CSMD2: variants seen among roughly 807,000 people sequenced by gnomAD.
CSMD2 encodes the protein CUB and Sushi multiple domains 2.
CSMD2 carries 130 observed loss-of-function variants against 398.5 expected under a neutral mutation model. The ratio of observed to expected loss-of-function variants is 0.33; its 90% confidence interval spans 0.28 to 0.38. The LOEUF (loss-of-function observed/expected upper bound fraction) is 0.38, where lower values mean the gene tolerates loss of function less well. Among genes scored for constraint, CSMD2 ranks in the 10% least tolerant of loss-of-function variants. The probability of loss-of-function intolerance (pLI) is 1.00; values close to 1 mark genes in which losing one functional copy is unlikely to be tolerated. For synonymous variants in CSMD2, 1,828 were observed against 1,908.5 expected (o/e 0.96, Z 1.10); for missense variants, 3,829 against 4,764.9 (o/e 0.80, Z 5.78).
chr1:33,855,821 C>A (rs1425545696), intron 5 of CSMD2, among the ~76,000 whole-genome samples: 2 of 152,196 alleles, frequency 1.3e-5, no homozygotes, highest in African/African-American at 4.8e-5. Context: ...ACACTCAACT[C>A]TACTCAACCC....
At chr1:33,981,212 G>A (rs1368471481) in intron 3 of CSMD2, among the ~76,000 whole-genome samples, 1 of 152,152 alleles carries the variant, frequency 6.6e-6, no homozygotes, top group African/African-American at 2.4e-5. Context: ...CCGGTTGTTT[G>A]CAGTTCAACA....
At chr1:33,688,170 T>C (rs1243258243) in intron 25 of CSMD2, among the ~76,000 whole-genome samples, 1 of 152,212 alleles carries the variant, frequency 6.6e-6, no homozygotes, top group East Asian at 1.9e-4. Context: ...GATTCACTTA[T>C]TCAACAGGGG....
chr1:33,642,373 AAACAAC>A (rs1253049093), intron 29 of CSMD2, among the ~76,000 whole-genome samples: 5 of 151,712 alleles, frequency 3.3e-5, no homozygotes, highest in African/African-American at 1.2e-4. Flanking sequence ...AAAGGAAAGA[AAACAAC>A]AACAACAAAC....
chr1:33,708,209 C>A (rs1439630005), intron 22 of CSMD2, among the ~76,000 whole-genome samples: 1 of 152,148 alleles, frequency 6.6e-6, no homozygotes, highest in Non-Finnish European at 1.5e-5. Context: ...TAATCCAAGT[C>A]CTATCATTTC....
At chr1:33,989,044 A>C (rs1310035829) in intron 3 of CSMD2, among the ~76,000 whole-genome samples, 21 of 51,658 alleles carry the variant, frequency 4.1e-4, no homozygotes, top group African/African-American at 1.2e-3. Context: ...ATATATATAT[A>C]TATATATATA....
intron 25 of CSMD2, among the ~76,000 whole-genome samples, chr1:33,680,148 CTT>C (rs34735969): frequency 0.52 from 45,444 of 88,030 alleles, 10,739 homozygotes; most frequent in East Asian, 0.68. Flanking sequence ...ATGGCCTCGC[CTT>C]TTTTTTTTTT....
At position 33,615,459 on chromosome 1, in the gene CSMD2, G is replaced by T. The variant is rs72890863; in HGVS notation, c.6017-839C>A. On this transcript the variant is annotated intron_variant, in intron 39 of 70. Coordinates refer to ENST00000373381, the MANE Select transcript of CSMD2 (RefSeq NM_001281956.2). ...AGAGGACAGCTTGGCAAACAGACCC[G>T]AAAACAGTGCAGAGTAGGCTCCAGC... Among the ~76,000 whole-genome samples, 1,506 of 152,264 alleles carry T rather than the reference G, an allele frequency of 9.9e-3. 19 individuals are homozygous for T. Among genetic ancestry groups the T allele is most frequent in the African/African-American group, 0.033 (1,368 of 41,540 alleles).
At chr1:33,576,000 C>T (rs1030290734) in intron 49 of CSMD2, among the ~76,000 whole-genome samples, 1 of 152,052 alleles carries the variant, frequency 6.6e-6, no homozygotes, top group African/African-American at 2.4e-5. Flanking sequence ...AATGCAGTGC[C>T]TAACGTTGAG....
intron 2 of CSMD2, among the ~76,000 whole-genome samples, chr1:34,074,611 A>G (rs1324459480): frequency 6.6e-6 from 1 of 152,238 alleles, no homozygotes; most frequent in Admixed American, 6.5e-5. Flanking sequence ...AGCATCTGCT[A>G]TAAGCCAGAC....
intron 1 of CSMD2, among the ~76,000 whole-genome samples, chr1:34,136,483 G>A (rs1259873309): frequency 6.6e-6 from 1 of 152,222 alleles, no homozygotes; most frequent in East Asian, 1.9e-4. Context: ...TTGTGCATGA[G>A]AACAGACACA....
intron 25 of CSMD2, among the ~76,000 whole-genome samples, chr1:33,669,631 G>A (rs770433151): frequency 8.5e-5 from 13 of 152,156 alleles, no homozygotes; most frequent in South Asian, 4.1e-4. Context: ...CACTTGTAGC[G>A]GGTTGACTTG....
intron 3 of CSMD2, among the ~76,000 whole-genome samples, chr1:34,030,954 T>A (rs1650334400): frequency 6.6e-6 from 1 of 152,204 alleles, no homozygotes; most frequent in Admixed American, 6.5e-5. Flanking sequence ...CCAGACAGAC[T>A]TTAGGAAGCT....
intron 13 of CSMD2, 38 bp downstream of exon 13, chr1:33,772,531 G>C (rs750047627): frequency 1.3e-6 from 2 of 1,586,554 alleles, no homozygotes; most frequent in Non-Finnish European, 1.7e-6. Flanking sequence ...CTGCCTCTCA[G>C]TGAAGACCCT....
At chr1:33,961,969 CTT>C (rs142175159) in intron 3 of CSMD2, among the ~76,000 whole-genome samples, 1,924 of 152,208 alleles carry the variant, frequency 0.013, 36 homozygotes, top group African/African-American at 0.044. Context: ...GTTATTAAGA[CTT>C]GGGGATGTTG....
chr1:33,615,946 A>G (rs909659787), intron 39 of CSMD2, among the ~76,000 whole-genome samples: 1 of 152,206 alleles, frequency 6.6e-6, no homozygotes, highest in Non-Finnish European at 1.5e-5. Context: ...TGACTCTGCC[A>G]CTTCCTTTTT....
At chr1:33,999,287 C>G (rs916783326) in intron 3 of CSMD2, among the ~76,000 whole-genome samples, 29 of 152,142 alleles carry the variant, frequency 1.9e-4, no homozygotes, top group African/African-American at 5.8e-4. Flanking sequence ...CTGAGATGAA[C>G]AAAGAGGCAG....
At chr1:33,983,327 C>T (rs568828882) in intron 3 of CSMD2, among the ~76,000 whole-genome samples, 1 of 152,322 alleles carries the variant, frequency 6.6e-6, no homozygotes, top group African/African-American at 2.4e-5. Context: ...GGTCTAATCA[C>T]CTGCCTCTCC....
At chr1:33,794,965 G>A (rs551247915) in intron 10 of CSMD2, among the ~76,000 whole-genome samples, 13 of 150,934 alleles carry the variant, frequency 8.6e-5, no homozygotes, top group South Asian at 8.5e-4. Flanking sequence ...TAGGTGAGGC[G>A]GGATGTGGAC....
At chr1:33,953,466 C>T (rs1314210340) in intron 3 of CSMD2, among the ~76,000 whole-genome samples, 2 of 152,200 alleles carry the variant, frequency 1.3e-5, no homozygotes, top group Non-Finnish European at 2.9e-5. Context: ...ATGATGCCTA[C>T]AGCCCAGCTG....
Sources: allele counts gnomAD v4.1 joint callset (sites outside exome capture counted in the v4.1 genomes callset), GRCh38; gene constraint gnomAD v4.1.1; transcripts MANE v1.5; gene names NCBI Gene and HGNC (gene_info 2026-07-23, HGNC 2026-07-21).